Variants in ACVR1C observed in about 807,000 individuals in gnomAD.
ACVR1C encodes the protein activin receptor type-1C.
Under a neutral mutation model 57.9 loss-of-function variants are expected in ACVR1C, and 23 were observed. That is an observed-to-expected ratio of 0.40 (90% CI 0.29 to 0.56). ACVR1C has a LOEUF of 0.56. Among genes scored for constraint, ACVR1C ranks in the 20% least tolerant of loss-of-function variants. The pLI is 0.50. For synonymous variants in ACVR1C, 214 were observed against 215.3 expected (o/e 0.99, Z 0.05); for missense variants, 480 against 607.9 (o/e 0.79, Z 2.21).
chr2:157,562,690 A>G (rs1447055217), intron 2 of ACVR1C, among the ~76,000 whole-genome samples: 1 of 152,002 alleles, frequency 6.6e-6, no homozygotes, highest in Admixed American at 6.6e-5. Context: ...TCAGGCCAAT[A>G]TCCCTGATGA....
At chr2:157,610,173 C>G (rs1294283915) in intron 1 of ACVR1C, among the ~76,000 whole-genome samples, 1 of 151,998 alleles carries the variant, frequency 6.6e-6, no homozygotes, top group Non-Finnish European at 1.5e-5. Flanking sequence ...TGATGGTAAT[C>G]TTTTTCATGA....
chr2:157,614,855 C>T (rs1468824220), intron 1 of ACVR1C, among the ~76,000 whole-genome samples: 4 of 152,128 alleles, frequency 2.6e-5, no homozygotes, highest in Non-Finnish European at 5.9e-5. Context: ...CATAGTTGTA[C>T]TTTCAATCTA....
At chr2:157,603,133 G>A (rs1307793293) in intron 1 of ACVR1C, among the ~76,000 whole-genome samples, 1 of 152,126 alleles carries the variant, frequency 6.6e-6, no homozygotes, top group Non-Finnish European at 1.5e-5. Context: ...TCTGAAATAG[G>A]CTAGCATACT....
At chr2:157,609,610 T>C (rs1228968129) in intron 1 of ACVR1C, among the ~76,000 whole-genome samples, 1 of 152,018 alleles carries the variant, frequency 6.6e-6, no homozygotes, top group Non-Finnish European at 1.5e-5. Context: ...TTGCTCTCTC[T>C]CTAGAACTAG....
intron 1 of ACVR1C, among the ~76,000 whole-genome samples, chr2:157,595,796 T>C (rs1573944334): frequency 6.6e-6 from 1 of 152,200 alleles, no homozygotes; most frequent in Non-Finnish European, 1.5e-5. Flanking sequence ...TCCCACCTCA[T>C]GGCCTTTGCT....
intron 2 of ACVR1C, among the ~76,000 whole-genome samples, chr2:157,566,251 G>A (rs994980427): frequency 4.6e-5 from 7 of 152,142 alleles, no homozygotes; most frequent in Non-Finnish European, 8.8e-5. Flanking sequence ...TGTTTCCCCA[G>A]CACATAGTAC....
rs551139985 is a variant in ACVR1C at position 157,560,192 on chromosome 2, T to C, written c.305-3860A>G. ...CTCCTCACTACTTCCTATTTCTTGC[T>C]TTAAGGAGAGCCTCAAGATGAAAAG... On this transcript the variant is annotated intron_variant, in intron 2 of 8. Coordinates refer to ENST00000243349, the MANE Select transcript of ACVR1C (RefSeq NM_145259.3). Among the ~76,000 whole-genome samples the C allele has an allele frequency of 7.9e-5, 12 of 152,278 alleles. No homozygotes were observed. In the East Asian group the frequency reaches 2.1e-3, roughly 27 times the overall value.
chr2:157,575,585 T>C (rs1198331045), intron 2 of ACVR1C, among the ~76,000 whole-genome samples: 1 of 152,226 alleles, frequency 6.6e-6, no homozygotes, highest in Non-Finnish European at 1.5e-5. Context: ...GCTGTTTTAA[T>C]GAGTCTTCTC....
chr2:157,603,085 G>A (rs1682315749), intron 1 of ACVR1C, among the ~76,000 whole-genome samples: 1 of 152,138 alleles, frequency 6.6e-6, no homozygotes, highest in African/African-American at 2.4e-5. Context: ...CATAGCTACA[G>A]CAAATCTGTT....
intron 1 of ACVR1C, among the ~76,000 whole-genome samples, chr2:157,597,113 G>A (rs1028476451): frequency 6.6e-6 from 1 of 152,136 alleles, no homozygotes; most frequent in Non-Finnish European, 1.5e-5. Context: ...CCTCTCAGTA[G>A]TCCTCCAAGA....
intron 8 of ACVR1C, among the ~76,000 whole-genome samples, chr2:157,536,652 A>C (rs993445475): frequency 5.3e-5 from 8 of 152,180 alleles, no homozygotes; most frequent in African/African-American, 1.7e-4. Context: ...TAAAAAAATT[A>C]AATAAAATAC....
chr2:157,592,174 C>G (rs998146204), intron 1 of ACVR1C, among the ~76,000 whole-genome samples: 2 of 151,964 alleles, frequency 1.3e-5, no homozygotes, highest in Non-Finnish European at 2.9e-5. Context: ...TATCATGTGC[C>G]TTGCATCTAA....
intron 1 of ACVR1C, among the ~76,000 whole-genome samples, chr2:157,597,082 G>A (rs1160838173): frequency 1.3e-5 from 2 of 152,146 alleles, no homozygotes; most frequent in African/African-American, 2.4e-5. Context: ...CCTGCCGTTC[G>A]GAGGACGAGT....
chr2:157,573,575 T>A (rs1688575088), intron 2 of ACVR1C, among the ~76,000 whole-genome samples: 1 of 152,010 alleles, frequency 6.6e-6, no homozygotes, highest in Non-Finnish European at 1.5e-5. Flanking sequence ...TCTATTTCCA[T>A]ATGAAGGGCT....
intron 1 of ACVR1C, among the ~76,000 whole-genome samples, chr2:157,621,531 T>A (rs1356231584): frequency 1.3e-5 from 2 of 152,178 alleles, no homozygotes; most frequent in African/African-American, 4.8e-5. Context: ...GATCCAGCTT[T>A]CAAAGAACAA....
At chr2:157,543,053 C>T (rs190966770) in intron 5 of ACVR1C, among the ~76,000 whole-genome samples, 191 bp from the exon 6 acceptor site, 260 of 152,144 alleles carry the variant, frequency 1.7e-3, no homozygotes, top group African/African-American at 5.9e-3. Context: ...AAACTGTAAA[C>T]GAATAAGGAC....
chr2:157,565,579 G>A (rs1020348519), intron 2 of ACVR1C, among the ~76,000 whole-genome samples: 1 of 152,168 alleles, frequency 6.6e-6, no homozygotes, highest in Non-Finnish European at 1.5e-5. Flanking sequence ...AAGGACAGAA[G>A]ATTTTCTAAT....
chr2:157,576,163 C>T (rs1688645989), intron 2 of ACVR1C, among the ~76,000 whole-genome samples: 1 of 151,422 alleles, frequency 6.6e-6, no homozygotes, highest in Non-Finnish European at 1.5e-5. Flanking sequence ...TATCCCTTCC[C>T]CCAAGGCAAC....
At chr2:157,556,475 G>A in intron 2 of ACVR1C, 143 bp from the exon 3 acceptor site, 1 of 1,084,714 alleles carries the variant, frequency 9.2e-7, no homozygotes, top group East Asian at 2.5e-5. Context: ...AAGGCTCTCT[G>A]TGGTATAAGC....
Sources: allele counts gnomAD v4.1 joint callset (sites outside exome capture counted in the v4.1 genomes callset), GRCh38; gene constraint gnomAD v4.1.1; transcripts MANE v1.5; gene names NCBI Gene and HGNC (gene_info 2026-07-23, HGNC 2026-07-21).